The following TEX14 variants were observed in gnomAD, a reference collection of about 807,000 sequenced individuals.
The protein encoded by TEX14 is inactive serine/threonine-protein kinase TEX14.
In TEX14, 168 loss-of-function variants were observed where a neutral mutation model predicts 178.6. The observed-to-expected ratio is 0.94, with a 90% CI of 0.83 to 1.07. The LOEUF (loss-of-function observed/expected upper bound fraction) is 1.07. Ranked by LOEUF, TEX14 falls within the 50% of genes least tolerant of loss-of-function variation. The pLI, the probability that TEX14 is intolerant of heterozygous loss-of-function variation, is 0.00. For missense variants in TEX14, 1,730 were observed against 1,753.6 expected (o/e 0.99, Z 0.24); for synonymous variants, 626 against 634.1 (o/e 0.99, Z 0.19).
chr17:58,654,533 GTC>G (rs1402636332), intron 1 of TEX14, among the ~76,000 whole-genome samples: 3 of 143,672 alleles, frequency 2.1e-5, no homozygotes, highest in African/African-American at 7.7e-5. Context: ...TGGAGACAGA[GTC>G]TTGCTTTGTT....
At chr17:58,625,792 G>C (rs1266167010) in intron 3 of TEX14, among the ~76,000 whole-genome samples, 1 of 152,180 alleles carries the variant, frequency 6.6e-6, no homozygotes, top group Non-Finnish European at 1.5e-5. Context: ...CCAGGCTGGA[G>C]TGCAGTGGCA....
At chr17:58,597,912 G>A (rs888764737) in intron 14 of TEX14, among the ~76,000 whole-genome samples, 5 of 152,106 alleles carry the variant, frequency 3.3e-5, no homozygotes, top group African/African-American at 1.2e-4. Flanking sequence ...CTCCCATGGT[G>A]TCTGCTCACC....
In TEX14 at chr17:58,611,062, C is replaced by T. The variant is rs561667915; in HGVS notation, c.1184+99G>A. ...GCAACTGATGAACAGGTTCATCTCA[C>T]CAATGAGGAGTCCCACCCAGATCAG... On this transcript the variant is annotated intron_variant, in intron 10 of 31. Coordinates refer to ENST00000349033, the MANE Select transcript of TEX14 (RefSeq NM_031272.5). The T allele has an allele frequency of 1.5e-5, 13 of 846,876 alleles. No individual in the cohort carries two copies. In the African/African-American group the frequency reaches 2.2e-4, roughly 14 times the overall value. The allele number at this position is 846,876 out of a possible 1,614,324, so 52.5% of individuals were successfully genotyped here. A position where few individuals can be genotyped will look rare whatever the true frequency, so the allele number is the denominator to read the frequency against.
intron 19 of TEX14, chr17:58,581,870 C>G (rs1270958825): frequency 2.2e-6 from 2 of 895,572 alleles, no homozygotes; most frequent in African/African-American, 3.4e-5. Context: ...CTCCCTACCT[C>G]TTTGTGCATG....
At chr17:58,625,624 A>G (rs963415025) in intron 3 of TEX14, among the ~76,000 whole-genome samples, 3 of 152,162 alleles carry the variant, frequency 2.0e-5, no homozygotes, top group Non-Finnish European at 4.4e-5. Context: ...TATTTATTGT[A>G]AAGCCTAAAA....
Position 58,556,755 on chromosome 17 carries a change from C to A in TEX14, c.*256G>T. 2 of 427,238 alleles carry A rather than the reference C, an allele frequency of 4.7e-6. No individual in the cohort carries two copies. Among genetic ancestry groups the A allele is most frequent in the Non-Finnish European group, 8.3e-6 (2 of 241,194 alleles). The allele number at this position is 427,238 out of a possible 1,614,324, so 26.5% of individuals were successfully genotyped here. ...AAATTAACATCAACAAAACCAAAGC[C>A]ATTCTAGGCACAACCAAAAATTTTT... On this transcript the variant is annotated 3_prime_UTR_variant, in exon 32 of 32. Transcript: ENST00000349033.
chr17:58,633,361 A>G (rs1318780136), intron 2 of TEX14, among the ~76,000 whole-genome samples: 1 of 152,212 alleles, frequency 6.6e-6, no homozygotes, highest in Non-Finnish European at 1.5e-5. Context: ...GGTACCCACA[A>G]TATCCCAAGC....
chr17:58,691,015 G>A (rs971646248), intron 1 of TEX14, among the ~76,000 whole-genome samples: 5 of 151,978 alleles, frequency 3.3e-5, no homozygotes, highest in Admixed American at 6.6e-5. Flanking sequence ...CACCATGCCC[G>A]GCTAATTTTT....
At chr17:58,646,037 A>AT (rs1472787125) in intron 2 of TEX14, among the ~76,000 whole-genome samples, 1 of 151,972 alleles carries the variant, frequency 6.6e-6, no homozygotes, top group Non-Finnish European at 1.5e-5. Context: ...TTGTAGTGTT[A>AT]TTTTTTAATT....
chr17:58,626,376 G>GCCAA, intron 3 of TEX14, among the ~76,000 whole-genome samples: 1 of 151,702 alleles, frequency 6.6e-6, no homozygotes, highest in Non-Finnish European at 1.5e-5. Flanking sequence ...GACCAGCTTA[G>GCCAA]CCAACATGGT....
In TEX14 at chr17:58,599,658, G is replaced by A; in HGVS notation, c.1687C>T (p.Pro563Ser). 1 of 1,606,310 alleles carries A rather than the reference G, an allele frequency of 6.2e-7. No homozygotes were observed. The highest frequency in any genetic ancestry group is 8.5e-7 in the Non-Finnish European group (1 of 1,176,926). ...AAAGAGTGAACCCTTGGTGAATGAGGTTGACTGCCTATTGAAAAAAACAGC... is the reference window on the plus strand; with the variant it reads ...AAAGAGTGAACCCTTGGTGAATGAGATTGACTGCCTATTGAAAAAAACAGC... The part of the protein sequence containing the change: ...IIELKEMGSQ[P>S]HSPRVHSLFT... Residue 563 changes from proline (P) to serine (S), a missense_variant, in exon 14 of 32, where the codon CCT (proline) becomes TCT (serine). Coordinates refer to ENST00000349033, the MANE Select transcript of TEX14 (RefSeq NM_031272.5).
rs771464754 is a variant in TEX14 at position 58,611,250 on chromosome 17, C to A, written c.1095G>T (p.Gly365=). 4 of 1,613,402 alleles carry A rather than the reference C, an allele frequency of 2.5e-6. No homozygotes were observed. The highest frequency in any genetic ancestry group is 2.7e-5 in the African/African-American group (2 of 74,876). The change falls in exon 10 of 32, where the codon GGG becomes GGT. Residue 365 remains glycine, a synonymous_variant. Coordinates refer to ENST00000349033, the MANE Select transcript of TEX14 (RefSeq NM_031272.5). ...AGGAGCTGAGGGAGCGGTGGATAAA[C>A]CCCTGGAAATGCAGGTATCTCAGGG... ...SDALRYLHFQ[G]FIHRSLSSYA...
intron 1 of TEX14, among the ~76,000 whole-genome samples, chr17:58,653,000 G>A (rs1291193044): frequency 2.0e-5 from 3 of 152,064 alleles, no homozygotes; most frequent in Admixed American, 6.6e-5. Flanking sequence ...GCAGTGGCGC[G>A]ATCTCAGCTC....
intron 1 of TEX14, among the ~76,000 whole-genome samples, chr17:58,670,771 TTAAAAAAAAAAAA>T (rs1459964949): frequency 3.8e-4 from 3 of 7,956 alleles, no homozygotes; most frequent in African/African-American, 4.6e-4. Flanking sequence ...AGACTCCCTC[TTAAAAAAAAAAAA>T]AAAAAAAAAA....
chr17:58,599,840 G>C (rs1400956416), intron 13 of TEX14, among the ~76,000 whole-genome samples, 174 bp from the exon 14 acceptor site: 1 of 152,168 alleles, frequency 6.6e-6, no homozygotes, highest in Admixed American at 6.5e-5. Flanking sequence ...GGGTGAGGGA[G>C]TATGTGTCCC....
At chr17:58,593,221 T>G (rs1485690930) in intron 15 of TEX14, among the ~76,000 whole-genome samples, 1 of 152,206 alleles carries the variant, frequency 6.6e-6, no homozygotes, top group African/African-American at 2.4e-5. Context: ...CCAATTAGTT[T>G]AGTTTCTGGA....
At chr17:58,575,043 G>A (rs1414529442) in intron 21 of TEX14, among the ~76,000 whole-genome samples, 2 of 151,466 alleles carry the variant, frequency 1.3e-5, no homozygotes, top group Non-Finnish European at 2.9e-5. Flanking sequence ...CAATATTTAA[G>A]ATTCAATGTC....
chr17:58,630,554 C>T lies in TEX14; in HGVS notation c.137G>A (p.Gly46Glu). Reference protein sequence around the residue: ...YVKVKKILKKGIYVDAVNSLG... With the variant: ...YVKVKKILKKEIYVDAVNSLG... Reference sequence around the variant, plus strand: ...GGAGTTAACTGCATCAACATAAATTCCTGCAAAGGAAATATCAGAATCAAT... The same window carrying T: ...GGAGTTAACTGCATCAACATAAATTTCTGCAAAGGAAATATCAGAATCAAT... The change falls in exon 3 of 32, where the codon GGA (glycine) becomes GAA (glutamate). Residue 46 changes from glycine to glutamate, a missense_variant and splice_region_variant. Coordinates refer to ENST00000349033, the MANE Select transcript of TEX14 (RefSeq NM_031272.5). 1 of 1,609,030 alleles carries T rather than the reference C, an allele frequency of 6.2e-7. No individual in the cohort carries two copies. The highest frequency in any genetic ancestry group is 8.5e-7 in the Non-Finnish European group (1 of 1,175,542).
At chr17:58,671,449 A>G (rs2047302367) in intron 1 of TEX14, among the ~76,000 whole-genome samples, 1 of 152,018 alleles carries the variant, frequency 6.6e-6, no homozygotes, top group African/African-American at 2.4e-5. Context: ...TATCTCTAAC[A>G]TCTTTCTCTT....
Sources: gnomAD v4.1 joint callset for allele counts (sites outside exome capture counted in the v4.1 genomes callset) on GRCh38, gnomAD v4.1.1 for gene constraint, MANE v1.5 for transcripts, NCBI Gene and HGNC (gene_info 2026-07-23, HGNC 2026-07-21) for gene names.